Variants in ADCY9 observed in about 807,000 individuals in gnomAD.
ADCY9 encodes adenylate cyclase type 9.
Under a neutral mutation model 101.5 loss-of-function variants are expected in ADCY9, and 50 were observed. The observed-to-expected ratio is 0.49, with a 90% CI of 0.39 to 0.62. ADCY9 has a LOEUF of 0.62. Ranked by LOEUF, ADCY9 falls within the 20% of genes least tolerant of loss-of-function variation. The pLI is 0.00. For missense variants in ADCY9, 1,662 were observed against 1,800.4 expected, an observed-to-expected ratio of 0.92 and a Z score of 1.39; for synonymous variants, 905 against 769.3, an observed-to-expected ratio of 1.18 and a Z score of -2.92.
chr16:4,061,648 G>T (rs1012025985), intron 2 of ADCY9, among the ~76,000 whole-genome samples: 2 of 151,902 alleles, frequency 1.3e-5, no homozygotes, highest in Non-Finnish European at 2.9e-5. Flanking sequence ...TAGAAATAAA[G>T]ATATTCCTAG....
At chr16:4,005,357 G>C (rs1487394454) in intron 3 of ADCY9, among the ~76,000 whole-genome samples, 1 of 152,148 alleles carries the variant, frequency 6.6e-6, no homozygotes, top group Non-Finnish European at 1.5e-5. Flanking sequence ...CTCCCAAGTA[G>C]CTGGGACCGC....
In ADCY9 at chr16:3,956,488, C is replaced by CTTTTTTT. The variant is rs1555504577; in HGVS notation, c.568-2979_568-2973dup. Among the ~76,000 whole-genome samples the CTTTTTTT allele has an allele frequency of 2.0e-4, 14 of 68,790 alleles. 2 individuals are homozygous for CTTTTTTT. The highest frequency in any genetic ancestry group is 6.6e-4 in the African/African-American group (10 of 15,144). 45.1% of individuals were successfully genotyped at this position (68,790 alleles called of 152,430 possible). A position where few individuals can be genotyped will look rare whatever the true frequency, so the allele number is the denominator to read the frequency against. ...AAGGACAAGACACCAGCGCAATGAG[C>CTTTTTTT]TTTTTTTTTTTTTTTGGGGGGGGAT... On this transcript the variant is annotated intron_variant, in intron 5 of 5. Transcript: ENST00000576936.
chr16:4,001,454 C>T (rs978425647), intron 3 of ADCY9, among the ~76,000 whole-genome samples: 5 of 152,184 alleles, frequency 3.3e-5, no homozygotes, highest in African/African-American at 1.2e-4. Context: ...CACTAGGGTA[C>T]CGGATGGCAG....
chr16:3,975,515 G>A (rs935729484), intron 9 of ADCY9, among the ~76,000 whole-genome samples: 5 of 152,102 alleles, frequency 3.3e-5, no homozygotes, highest in Admixed American at 6.6e-5. Flanking sequence ...ACAATACTGC[G>A]GCAAATAGAA....
intron 3 of ADCY9, among the ~76,000 whole-genome samples, chr16:3,995,995 ATGTTCTAG>A (rs1332083172): frequency 1.3e-5 from 2 of 152,168 alleles, no homozygotes; most frequent in East Asian, 3.8e-4. Flanking sequence ...CAGAGGTAAA[ATGTTCTAG>A]TTATCAATAA....
intron 2 of ADCY9, among the ~76,000 whole-genome samples, chr16:4,026,603 C>T (rs1279602524): frequency 6.6e-6 from 1 of 152,094 alleles, no homozygotes; most frequent in Non-Finnish European, 1.5e-5. Context: ...ATGTCCTTCC[C>T]AGGATGAATG....
chr16:3,994,141 A>G (rs1441185894), intron 3 of ADCY9, among the ~76,000 whole-genome samples: 1 of 152,156 alleles, frequency 6.6e-6, no homozygotes, highest in African/African-American at 2.4e-5. Flanking sequence ...CAAGCCTTCA[A>G]AATAGGATTA....
downstream of ADCY9, among the ~76,000 whole-genome samples, chr16:3,960,434 A>C (rs1289738814): frequency 6.6e-6 from 1 of 152,102 alleles, no homozygotes; most frequent in East Asian, 1.9e-4. Flanking sequence ...AGGCAGAAGA[A>C]TCACTTGAAC....
intron 3 of ADCY9, among the ~76,000 whole-genome samples, chr16:3,999,371 G>C (rs2141712595): frequency 6.6e-6 from 1 of 152,286 alleles, no homozygotes. Context: ...CTCGTCCTTT[G>C]CAGCCACACT....
chr16:4,100,936 G>T (rs1220946888), intron 2 of ADCY9, among the ~76,000 whole-genome samples: 2 of 152,244 alleles, frequency 1.3e-5, no homozygotes, highest in Admixed American at 6.5e-5. Context: ...CTAAAGACAG[G>T]TATCGTTGTT....
chr16:3,953,520 GAA>G (rs2055892482), intron 5 of ADCY9: 1 of 152,108 alleles, frequency 6.6e-6, no homozygotes, highest in South Asian at 2.1e-4. Context: ...TCGTCTTCTG[GAA>G]AAGAGAAGAT....
At chr16:4,045,270 C>G (rs2601798) in intron 2 of ADCY9, among the ~76,000 whole-genome samples, 144,685 of 152,116 alleles carry the variant, frequency 0.95, 69,078 homozygotes, top group Non-Finnish European at 1. Flanking sequence ...GCCCAGGTAA[C>G]AATAAACAGT....
At chr16:4,018,236 T>C (rs12931665) in intron 2 of ADCY9, among the ~76,000 whole-genome samples, 52,647 of 147,942 alleles carry the variant, frequency 0.36, 10,619 homozygotes, top group East Asian at 0.49. Context: ...TTTTTTGAGA[T>C]GGAGTCTCGC....
chr16:3,975,606 C>T (rs907106804), intron 9 of ADCY9, among the ~76,000 whole-genome samples: 2 of 152,180 alleles, frequency 1.3e-5, no homozygotes, highest in African/African-American at 2.4e-5. Flanking sequence ...TCGGAAATGC[C>T]AGGGGTCCCT....
intron 5 of ADCY9, among the ~76,000 whole-genome samples, chr16:3,953,950 G>C (rs2055894345): frequency 6.6e-6 from 1 of 152,222 alleles, no homozygotes; most frequent in Non-Finnish European, 1.5e-5. Flanking sequence ...TGCATGGATT[G>C]AGAAGGTGGA....
At chr16:4,089,701 G>A (rs1025971677) in intron 2 of ADCY9, among the ~76,000 whole-genome samples, 1 of 151,974 alleles carries the variant, frequency 6.6e-6, no homozygotes, top group African/African-American at 2.4e-5. Context: ...AGCCGTAAAG[G>A]GGAAAGTCTG....
At chr16:4,022,805 T>C (rs2056486998) in intron 2 of ADCY9, among the ~76,000 whole-genome samples, 3 of 152,096 alleles carry the variant, frequency 2.0e-5, no homozygotes, top group African/African-American at 7.2e-5. Flanking sequence ...AAAATATAAA[T>C]TAATAAATAA....
intron 2 of ADCY9, among the ~76,000 whole-genome samples, chr16:4,079,116 G>A (rs868801101): frequency 4.6e-5 from 7 of 152,156 alleles, no homozygotes; most frequent in African/African-American, 1.4e-4. Flanking sequence ...AATGCATCCT[G>A]ATGTGAGGGA....
chr16:3,958,541 CA>C (rs57920543), downstream of ADCY9, among the ~76,000 whole-genome samples: 513 of 104,144 alleles, frequency 4.9e-3, 1 homozygote, highest in African/African-American at 0.014. Context: ...AACTCCGTCT[CA>C]AAAAAAAAAA....
Sources: gnomAD v4.1 joint callset for allele counts (sites outside exome capture counted in the v4.1 genomes callset) on GRCh38, gnomAD v4.1.1 for gene constraint, MANE v1.5 for transcripts, NCBI Gene and HGNC (gene_info 2026-07-23, HGNC 2026-07-21) for gene names.